Variants in ZNF250 observed in about 807,000 individuals in gnomAD.
ZNF250 encodes the protein zinc finger protein (clone 647).
A neutral mutation model predicts 37.1 loss-of-function variants in ZNF250; 13 were observed. That is an observed-to-expected ratio of 0.35 (90% CI 0.23 to 0.56). The LOEUF is 0.56. ZNF250 is among the 20% of genes least tolerant of loss of function. The pLI, the probability that ZNF250 is intolerant of heterozygous loss-of-function variation, is 0.87. For synonymous variants in ZNF250, 251 were observed against 265.6 expected, an observed-to-expected ratio of 0.94 and a Z score of 0.54; for missense variants, 474 against 697.9, an observed-to-expected ratio of 0.68 and a Z score of 3.61.
At chr8:144,885,066 CAGTG>C (rs1831770072) in intron 5 of ZNF250, among the ~76,000 whole-genome samples, 1 of 152,290 alleles carries the variant, frequency 6.6e-6, no homozygotes, top group African/African-American at 2.4e-5. Context: ...CAAATTGAAA[CAGTG>C]AGAATTTAAC....
At chr8:144,895,829 G>A (rs1832682445) in intron 1 of ZNF250, among the ~76,000 whole-genome samples, 1 of 151,740 alleles carries the variant, frequency 6.6e-6, no homozygotes, top group Admixed American at 6.6e-5. Flanking sequence ...CCAACATAGT[G>A]AAACCCCGTC....
rs1007040827 is a variant in ZNF250, at chr8:144,880,947, G to T, written c.*568C>A. Reference sequence around the variant, plus strand: ...CTTTTTCCTTGTTTCATACAAAACAGGACTCCACACACTTAGGATGGAAAT... The same window carrying T: ...CTTTTTCCTTGTTTCATACAAAACATGACTCCACACACTTAGGATGGAAAT... On this transcript the variant is annotated 3_prime_UTR_variant, in exon 6 of 6. Coordinates refer to ENST00000417550, the MANE Select transcript of ZNF250 (RefSeq NM_001109689.4). 2 of 160,688 alleles carry T rather than the reference G, an allele frequency of 1.2e-5. No homozygotes were observed. Among genetic ancestry groups the T allele is most frequent in the African/African-American group, 4.8e-5 (2 of 41,490 alleles). 10.0% of individuals were successfully genotyped at this position (160,688 alleles called of 1,614,324 possible). A position where few individuals can be genotyped will look rare whatever the true frequency, so the allele number is the denominator to read the frequency against.
At chr8:144,889,179 C>T (rs1323244701) in intron 4 of ZNF250, among the ~76,000 whole-genome samples, 1 of 152,228 alleles carries the variant, frequency 6.6e-6, no homozygotes, top group Non-Finnish European at 1.5e-5. Context: ...CAGCACTTCA[C>T]CTTAAGTGTC....
Position 144,895,513 on chromosome 8 carries a change from G to A in ZNF250, c.-54-5110C>T, listed in dbSNP as rs377231972. Among the ~76,000 whole-genome samples, 196 of 152,234 alleles carry A rather than the reference G, an allele frequency of 1.3e-3. 7 individuals carry two copies. In the South Asian group the frequency reaches 0.039, roughly 30 times the overall value. On this transcript the variant is annotated intron_variant, in intron 1 of 5. Coordinates refer to ENST00000417550, the MANE Select transcript of ZNF250 (RefSeq NM_001109689.4). ...CTAAGAACAGGCTTGGCTCAGAGGA[G>A]GATGCTGCTGGATAAGGTGTTATTA...
rs1831414026 is a variant in ZNF250 at position 144,880,760 on chromosome 8, A to T, written c.*755T>A. ...ATATCTATAATCCTAGTTACTTGGGAGACTGAGGCACAAGAAAAGCTTGAA... is the reference window on the plus strand; with the variant it reads ...ATATCTATAATCCTAGTTACTTGGGTGACTGAGGCACAAGAAAAGCTTGAA... On this transcript the variant is annotated 3_prime_UTR_variant, in exon 6 of 6. Coordinates refer to ENST00000417550, the MANE Select transcript of ZNF250 (RefSeq NM_001109689.4). The T allele has an allele frequency of 3.5e-6, 1 of 285,570 alleles. No individual in the cohort carries two copies. Among genetic ancestry groups the T allele is most frequent in the Non-Finnish European group, 7.1e-6 (1 of 140,040 alleles). The allele number at this position is 285,570 out of a possible 1,614,324, so 17.7% of individuals were successfully genotyped here. A position where few individuals can be genotyped will look rare whatever the true frequency, so the allele number is the denominator to read the frequency against.
chr8:144,883,493 T>C lies in ZNF250; in HGVS notation c.347-657A>G, dbSNP rs529903677. 2.6e-5 allele frequency among the ~76,000 whole-genome samples: 4 copies of C among 152,070 alleles called. No homozygotes were observed. In the South Asian group the frequency reaches 8.3e-4, roughly 32 times the overall value. ...TAACTGGGATTACAGACGCACACCATCATGCCTGGCTAATTTTTGTATTTT... is the reference window on the plus strand; with the variant it reads ...TAACTGGGATTACAGACGCACACCACCATGCCTGGCTAATTTTTGTATTTT... On this transcript the variant is annotated intron_variant, in intron 5 of 5. Coordinates refer to ENST00000417550, the MANE Select transcript of ZNF250 (RefSeq NM_001109689.4).
At position 144,882,067 on chromosome 8, in the gene ZNF250, G is replaced by C. The variant is rs750484146; in HGVS notation, c.1116C>G (p.Ser372Arg). Reference sequence around the variant, plus strand: ...GGTGCTGAATGAGGACTGAGCGGTCGCTGAAGGCCTTCCCACACTCGCTGC... The same window carrying C: ...GGTGCTGAATGAGGACTGAGCGGTCCCTGAAGGCCTTCCCACACTCGCTGC... Reference protein sequence around the residue: ...YTCSECGKAFSDRSVLIQHHN... With the variant: ...YTCSECGKAFRDRSVLIQHHN... The change falls in exon 6 of 6, where the codon AGC (serine) becomes AGG (arginine). Residue 372 changes from serine to arginine, a missense_variant. Ser to Arg is a moderately radical substitution (Grantham distance 110). This residue lies in a region of ZNF250 where 282 missense variants were observed against 470.4 expected (regional missense o/e 0.60). Coordinates refer to ENST00000417550, the MANE Select transcript of ZNF250 (RefSeq NM_001109689.4). This position sits in a 1 kb window ranked among gnomAD's most constrained non-coding sequence, Gnocchi z 5.5. 4 of 1,613,572 alleles carry C rather than the reference G, an allele frequency of 2.5e-6. No individual in the cohort carries two copies. The highest frequency in any genetic ancestry group is 2.5e-6 in the Non-Finnish European group (3 of 1,179,942).
At chr8:144,889,739 G>C in intron 3 of ZNF250, 45 bp from the exon 4 acceptor site, 1 of 1,576,208 alleles carries the variant, frequency 6.3e-7, no homozygotes, top group Non-Finnish European at 8.6e-7. Flanking sequence ...CATTTACAGA[G>C]CCCCCTCCCC....
At position 144,899,018 on chromosome 8, in the gene ZNF250, A is replaced by G. The variant is rs370605025; in HGVS notation, c.-55+2381T>C. Among the ~76,000 whole-genome samples, 25 of 152,358 alleles carry G rather than the reference A, an allele frequency of 1.6e-4. No individual in the cohort carries two copies. The South Asian group carries it at 3.7e-3, about 23-fold the overall frequency. On this transcript the variant is annotated intron_variant, in intron 1 of 5. Transcript: ENST00000417550. The stretch of plus-strand genomic sequence containing the variant: ...AATAAATGGATACAGAAAATGTGGT[A>G]TATGTACACAATGGAATATGATTCA...
intron 5 of ZNF250, among the ~76,000 whole-genome samples, chr8:144,883,341 TC>T (rs1390523857): frequency 6.6e-6 from 1 of 150,498 alleles, no homozygotes; most frequent in South Asian, 2.1e-4. Flanking sequence ...GAAAATAATT[TC>T]TTTTTTTTTT....
rs1483090035 is a variant in ZNF250 at position 144,882,164 on chromosome 8, C to T, written c.1019G>A (p.Gly340Glu). Residue 340 changes from glycine (G) to glutamate (E), a missense_variant, in exon 6 of 6, where the codon GGG becomes GAG. By Grantham distance (98) the Gly-to-Glu change is moderately conservative (BLOSUM62 -2). Transcript: ENST00000417550. This position sits in a 1 kb window ranked among gnomAD's most constrained non-coding sequence, Gnocchi z 5.5. ...TGTCCTCTTCACACTGAAGGTTTTC[C>T]CACACTCATTGCACCTGTGAGGCTT... ...GEKPHRCNEC[G>E]KTFSVKRTLL... 2 of 1,613,908 alleles carry T rather than the reference C, an allele frequency of 1.2e-6. No individual in the cohort carries two copies. The highest frequency in any genetic ancestry group is 1.7e-6 in the Non-Finnish European group (2 of 1,180,000).
At chr8:144,900,198 C>T (rs1410603816) in intron 1 of ZNF250, among the ~76,000 whole-genome samples, 1 of 152,172 alleles carries the variant, frequency 6.6e-6, no homozygotes, top group Non-Finnish European at 1.5e-5. Flanking sequence ...GCCCACAGGA[C>T]CAGAGTCCCG....
chr8:144,888,966 C>CA (rs1832112721), intron 4 of ZNF250, among the ~76,000 whole-genome samples: 1 of 152,118 alleles, frequency 6.6e-6, no homozygotes, highest in Non-Finnish European at 1.5e-5. Context: ...GACAGGGTTT[C>CA]ACCGTGTTAG....
At position 144,882,281 on chromosome 8, in the gene ZNF250, G is replaced by A. The variant is rs1299552615; in HGVS notation, c.902C>T (p.Thr301Met). The change falls in exon 6 of 6, where the codon ACG becomes ATG. Residue 301 changes from threonine (T) to methionine (M), a missense_variant. Around this residue, in one of 2 missense-constraint regions of ZNF250, gnomAD observed 282 missense variants for 470.4 expected, o/e 0.60. Transcript: ENST00000417550. The surrounding 1 kb of genome is among the most constrained non-coding windows in gnomAD (Gnocchi z 5.5). ...SHLIQHQRIHTGERPYVCPLC... is the reference protein window; with the variant it reads ...SHLIQHQRIHMGERPYVCPLC... Reference sequence around the variant, plus strand: ...CGGACACACATATGGCCTTTCTCCCGTGTGGATCCGCTGGTGCTGAATGAG... The same window carrying A: ...CGGACACACATATGGCCTTTCTCCCATGTGGATCCGCTGGTGCTGAATGAG... 5.0e-6 allele frequency: 8 copies of A among 1,613,930 alleles called. No homozygotes were observed. The highest frequency in any genetic ancestry group is 1.7e-5 in the Admixed American group (1 of 59,982).
chr8:144,883,753 A>G (rs999916937), intron 5 of ZNF250, among the ~76,000 whole-genome samples: 1 of 152,192 alleles, frequency 6.6e-6, no homozygotes, highest in Non-Finnish European at 1.5e-5. Context: ...TAGGCCACAG[A>G]TGAGGCCTTC....
chr8:144,893,828 T>G (rs1832523878), intron 1 of ZNF250, among the ~76,000 whole-genome samples: 1 of 152,196 alleles, frequency 6.6e-6, no homozygotes, highest in African/African-American at 2.4e-5. Flanking sequence ...CTGGCTTGTA[T>G]GACCACGAGG....
chr8:144,884,717 T>A (rs1831746417), intron 5 of ZNF250, among the ~76,000 whole-genome samples: 1 of 152,222 alleles, frequency 6.6e-6, no homozygotes, highest in Non-Finnish European at 1.5e-5. Context: ...TCATTTTTTT[T>A]ACCTCCATTC....
Position 144,890,599 on chromosome 8 carries a change from T to C in ZNF250, c.-54-196A>G, listed in dbSNP as rs1028867795. Among the ~76,000 whole-genome samples, 7 of 152,070 alleles carry C rather than the reference T, an allele frequency of 4.6e-5. No homozygotes were observed. The highest frequency in any genetic ancestry group is 4.4e-5 in the Non-Finnish European group (3 of 67,984). On this transcript the variant is annotated intron_variant, in intron 1 of 5. Coordinates refer to ENST00000417550, the MANE Select transcript of ZNF250 (RefSeq NM_001109689.4). The surrounding 1 kb of genome is among the most constrained non-coding windows in gnomAD (Gnocchi z 5.1). ...TCTGACCCTATGGTTCAGGAGCCTG[T>C]CCAGGCCCTGAACACACAGTTCCTG... is the stretch of plus-strand genomic sequence containing the variant.
Position 144,890,470 on chromosome 8 carries a change from G to A in ZNF250, c.-54-67C>T. 1.1e-6 allele frequency: 1 copy of A among 925,404 alleles called. No individual in the cohort carries two copies. 57.3% of individuals were successfully genotyped at this position (925,404 alleles called of 1,614,324 possible). ...ACCGTAACTTCCTAGGGGGCCCTCA[G>A]GGGATCCCTGGGCCTCATTCAGAGT... On this transcript the variant is annotated intron_variant, in intron 1 of 5. Coordinates refer to ENST00000417550, the MANE Select transcript of ZNF250 (RefSeq NM_001109689.4). This position sits in a 1 kb window ranked among gnomAD's most constrained non-coding sequence, Gnocchi z 5.1.
Sources: allele counts gnomAD v4.1 joint callset (sites outside exome capture counted in the v4.1 genomes callset), GRCh38; gene constraint gnomAD v4.1.1; regional missense constraint gnomAD v4.1.1; non-coding constraint Gnocchi (gnomAD v3.1); transcripts MANE v1.5; gene names NCBI Gene and HGNC (gene_info 2026-07-23, HGNC 2026-07-21).